The following CHAF1B variants were observed in gnomAD, a reference collection of about 807,000 sequenced individuals.
CHAF1B encodes chromatin assembly factor 1 subunit B.
CHAF1B carries 10 observed loss-of-function variants against 60.7 expected under a neutral mutation model. The ratio of observed to expected loss-of-function variants is 0.16; its 90% CI spans 0.10 to 0.28. The LOEUF (loss-of-function observed/expected upper bound fraction) is 0.28. Among genes scored for constraint, CHAF1B ranks in the 10% least tolerant of loss-of-function variants. The pLI, the probability that CHAF1B is intolerant of heterozygous loss-of-function variation, is 1.00. For missense variants in CHAF1B, 558 were observed against 708.4 expected (o/e 0.79, Z 2.41); for synonymous variants, 261 against 266.1 (o/e 0.98, Z 0.19).
intron 4 of CHAF1B, among the ~76,000 whole-genome samples, chr21:36,393,688 A>G (rs900395686): frequency 6.6e-6 from 1 of 152,024 alleles, no homozygotes; most frequent in Non-Finnish European, 1.5e-5. Context: ...TCCCAACCTC[A>G]GGTGATCCGC....
At chr21:36,393,230 G>T (rs1344531812) in intron 4 of CHAF1B, among the ~76,000 whole-genome samples, 1 of 151,976 alleles carries the variant, frequency 6.6e-6, no homozygotes, top group African/African-American at 2.4e-5. Flanking sequence ...GAGGGAGACG[G>T]TGGAGGGAGA....
chr21:36,396,628 T>G (rs1233307433), intron 5 of CHAF1B, among the ~76,000 whole-genome samples: 1 of 148,090 alleles, frequency 6.8e-6, no homozygotes, highest in Non-Finnish European at 1.5e-5. Context: ...CACTCCAGCC[T>G]GGGCAACAGA....
chr21:36,413,125 C>G lies in CHAF1B; in HGVS notation c.1303C>G (p.Pro435Ala), dbSNP rs566995930. The G allele has an allele frequency of 3.7e-6, 6 of 1,613,918 alleles. No homozygotes were observed. The highest frequency in any genetic ancestry group is 3.3e-5 in the Admixed American group (2 of 59,970). ...CCCCAGCAGCCCCGGCACGACTCCC[C>G]CTCAGGCCAGACAGGCCCCAGCCCC... is the stretch of plus-strand genomic sequence containing the variant. ...QDPSSPGTTP[P>A]QARQAPAPTV... The change falls in exon 12 of 14, where the codon CCT becomes GCT. Residue 435 changes from proline (P) to alanine (A), a missense_variant. Physicochemically the swap from Pro to Ala is conservative, Grantham distance 27. This residue lies in a region of CHAF1B where 233 missense variants were observed against 214.9 expected (regional missense o/e 1.08). Coordinates refer to ENST00000314103, the MANE Select transcript of CHAF1B (RefSeq NM_005441.3).
chr21:36,394,913 G>T lies in CHAF1B; in HGVS notation c.481+263G>T, dbSNP rs185191457. 2.1e-4 allele frequency among the ~76,000 whole-genome samples: 32 copies of T among 151,384 alleles called. No homozygotes were observed. The East Asian group carries it at 6.1e-3, about 29-fold the overall frequency. ...CACCCAGTTAATTTTTGTATTTTTA[G>T]TAGAGACGGGTTTCATCATGTTGGC... On this transcript the variant is annotated intron_variant, in intron 5 of 13. Transcript: ENST00000314103.
At chr21:36,397,275 T>C in intron 5 of CHAF1B, 140 bp from the exon 6 acceptor site, 1 of 419,994 alleles carries the variant, frequency 2.4e-6, no homozygotes. Context: ...CACAGGGTTT[T>C]AGTACAGAGT....
chr21:36,389,807 GCA>G (rs1555911850), intron 3 of CHAF1B, among the ~76,000 whole-genome samples: 1 of 150,792 alleles, frequency 6.6e-6, no homozygotes, highest in African/African-American at 2.4e-5. Flanking sequence ...GTGTGCGCGC[GCA>G]CGCTGATTTG....
chr21:36,415,760 T>C (rs1288504200), intron 13 of CHAF1B: 3 of 421,646 alleles, frequency 7.1e-6, no homozygotes, highest in South Asian at 1.8e-5. Context: ...TTTTTTTTTT[T>C]TCTTTTTTTT....
In CHAF1B at chr21:36,387,729, T is replaced by C; in HGVS notation, c.258T>C (p.Asp86=). Residue 86 remains aspartate (D), a splice_region_variant and synonymous_variant, in exon 3 of 14, where the codon GAT becomes GAC. Transcript: ENST00000314103. ...GGGAAATTTTAGCATCGGGAGGAGA[T>C]GGTGAGTATTGCTGTCCTTCAGAGA... is the stretch of plus-strand genomic sequence containing the variant. ...PTGEILASGG[D]DAVILLWKVN... is the part of the protein sequence containing the mutation. 1 of 1,614,078 alleles carries C rather than the reference T, an allele frequency of 6.2e-7. No individual in the cohort carries two copies. Among genetic ancestry groups the C allele is most frequent in the Non-Finnish European group, 8.5e-7 (1 of 1,180,002 alleles).
chr21:36,391,738 A>G (rs2086090595), intron 4 of CHAF1B, 70 bp downstream of exon 4: 2 of 1,029,544 alleles, frequency 1.9e-6, no homozygotes, highest in Non-Finnish European at 3.0e-6. Context: ...ATACCTTTTG[A>G]CTTTTTTTTT....
chr21:36,394,414 T>A, intron 4 of CHAF1B, 133 bp from the exon 5 acceptor site: 1 of 657,400 alleles, frequency 1.5e-6, no homozygotes, highest in Non-Finnish European at 2.7e-6. Flanking sequence ...TTTACTGTGT[T>A]AGCCAGGCTG....
intron 8 of CHAF1B, among the ~76,000 whole-genome samples, chr21:36,404,491 A>G (rs1327219195): frequency 1.1e-4 from 15 of 136,304 alleles, no homozygotes; most frequent in South Asian, 2.4e-4. Context: ...CTGGAGTGCA[A>G]TGGCACGATC....
chr21:36,410,064 A>G (rs2086266084), intron 10 of CHAF1B, among the ~76,000 whole-genome samples: 1 of 151,880 alleles, frequency 6.6e-6, no homozygotes. Context: ...CCCAGGTTCA[A>G]GGGATTCTCC....
intron 5 of CHAF1B, among the ~76,000 whole-genome samples, chr21:36,395,605 A>G (rs905059210): frequency 1.3e-5 from 2 of 152,206 alleles, no homozygotes; most frequent in Non-Finnish European, 2.9e-5. Context: ...CTTATAATTT[A>G]TAGGGCATTG....
intron 5 of CHAF1B, 123 bp from the exon 6 acceptor site, chr21:36,397,292 C>CTT: frequency 2.3e-6 from 1 of 441,754 alleles, no homozygotes; most frequent in Non-Finnish European, 4.0e-6. Context: ...GAGTCTCTCA[C>CTT]TTACTGCCTG....
At position 36,414,899 on chromosome 21, in the gene CHAF1B, C is replaced by T. The variant is rs113227084; in HGVS notation, c.1494-396C>T. On this transcript the variant is annotated intron_variant, in intron 12 of 13. Transcript: ENST00000314103. ...AAGTGCTGGGATTACAGGTGCGAACCATCTTGCCCGGCCCAACGCTCTGGA... is the reference window on the plus strand; with the variant it reads ...AAGTGCTGGGATTACAGGTGCGAACTATCTTGCCCGGCCCAACGCTCTGGA... Among the ~76,000 whole-genome samples, 321 of 152,326 alleles carry T rather than the reference C, an allele frequency of 2.1e-3. 2 individuals are homozygous for T. Among genetic ancestry groups the T allele is most frequent in the African/African-American group, 7.5e-3 (313 of 41,568 alleles).
In CHAF1B at chr21:36,385,423, G is replaced by C. The variant is rs888397735; in HGVS notation, c.-106G>C. ...CGGCGCGCGCTGCGCGGGAGGTGAC[G>C]GTGCCTCTGACTGTCCGGGTCCCTC... On this transcript the variant is annotated 5_prime_UTR_variant, in exon 1 of 14. Coordinates refer to ENST00000314103, the MANE Select transcript of CHAF1B (RefSeq NM_005441.3). The C allele has an allele frequency of 6.6e-6, 1 of 152,098 alleles. No homozygotes were observed. Among genetic ancestry groups the C allele is most frequent in the Admixed American group, 6.5e-5 (1 of 15,280 alleles). The allele number at this position is 152,098 out of a possible 1,614,324, so 9.4% of individuals were successfully genotyped here. A position where few individuals can be genotyped will look rare whatever the true frequency, so the allele number is the denominator to read the frequency against.
chr21:36,387,648 G>A lies in CHAF1B; in HGVS notation c.177G>A (p.Leu59=). The A allele has an allele frequency of 6.2e-7, 1 of 1,614,148 alleles. No homozygotes were observed. Among genetic ancestry groups the A allele is most frequent in the Non-Finnish European group, 8.5e-7 (1 of 1,180,018 alleles). The change falls in exon 3 of 14, where the codon TTG becomes TTA. Residue 59 remains leucine (L), a synonymous_variant. Coordinates refer to ENST00000314103, the MANE Select transcript of CHAF1B (RefSeq NM_005441.3). The stretch of plus-strand genomic sequence containing the variant: ...ATGGAAAAGCCATCGTGGAATTTTT[G>A]TCCAATCTTGCTCGTCATACCAAAG... The part of the protein sequence containing the change: ...GPDGKAIVEF[L]SNLARHTKAV...
chr21:36,400,337 G>A (rs954656159), intron 7 of CHAF1B, among the ~76,000 whole-genome samples: 5 of 151,784 alleles, frequency 3.3e-5, no homozygotes, highest in African/African-American at 1.2e-4. Flanking sequence ...AAATTAGCCG[G>A]GTGCATGCAT....
intron 5 of CHAF1B, among the ~76,000 whole-genome samples, chr21:36,395,083 C>T (rs571060935): frequency 1.7e-3 from 259 of 151,430 alleles, no homozygotes; most frequent in South Asian, 6.9e-3. Flanking sequence ...GACGGAGTTT[C>T]GCTCTTGTCC....
Sources: allele counts gnomAD v4.1 joint callset (sites outside exome capture counted in the v4.1 genomes callset), GRCh38; gene constraint gnomAD v4.1.1; regional missense constraint gnomAD v4.1.1; transcripts MANE v1.5; gene names NCBI Gene and HGNC (gene_info 2026-07-23, HGNC 2026-07-21).